The following MCU variants were observed in gnomAD, a reference collection of about 807,000 sequenced individuals.
The protein encoded by MCU is calcium uniporter protein, mitochondrial.
In MCU, 12 loss-of-function variants were observed where a neutral mutation model predicts 45.2. That is an observed-to-expected ratio of 0.27 (90% CI 0.17 to 0.43). The LOEUF (loss-of-function observed/expected upper bound fraction) is 0.43, where lower values mean the gene tolerates loss of function less well. MCU is among the 20% of genes least tolerant of loss of function. The probability of loss-of-function intolerance (pLI) is 1.00; values close to 1 mark genes in which losing one functional copy is unlikely to be tolerated. For synonymous variants in MCU, 160 were observed against 165.1 expected, an observed-to-expected ratio of 0.97 and a Z score of 0.24; for missense variants, 324 against 436.7, an observed-to-expected ratio of 0.74 and a Z score of 2.30.
chr10:72,810,578 C>T (rs1056442511), intron 1 of MCU, among the ~76,000 whole-genome samples: 5 of 150,490 alleles, frequency 3.3e-5, no homozygotes. Context: ...AGTGATTCTC[C>T]TGCCTCAGCC....
At chr10:72,692,978 G>A (rs1244399435) in intron 1 of MCU, 1 of 1,535,914 alleles carries the variant, frequency 6.5e-7, no homozygotes, top group Admixed American at 2.0e-5. Flanking sequence ...AGGTGCTTTT[G>A]GGGGTCCTTT....
chr10:72,727,129 ATC>A (rs1843112347), intron 1 of MCU, among the ~76,000 whole-genome samples: 1 of 152,128 alleles, frequency 6.6e-6, no homozygotes, highest in Admixed American at 6.6e-5. Flanking sequence ...AATTATAGGA[ATC>A]TCTTCCTCTT....
intron 6 of MCU, among the ~76,000 whole-genome samples, chr10:72,880,133 C>T (rs1180728801): frequency 6.6e-6 from 1 of 152,196 alleles, no homozygotes; most frequent in Admixed American, 6.5e-5. Context: ...TTCTAATATT[C>T]CTTCATTGTC....
chr10:72,767,356 A>G (rs1215786402), intron 1 of MCU, among the ~76,000 whole-genome samples: 1 of 152,200 alleles, frequency 6.6e-6, no homozygotes, highest in African/African-American at 2.4e-5. Flanking sequence ...CTCAGAGATT[A>G]CATAGGACTA....
chr10:72,715,936 C>T (rs1842950970), intron 1 of MCU: 2 of 971,062 alleles, frequency 2.1e-6, no homozygotes, highest in Non-Finnish European at 1.2e-6. Context: ...AGCATTTTCT[C>T]CCTGCAAGCA....
chr10:72,825,737 CTGTT>C (rs1432801773), intron 1 of MCU, among the ~76,000 whole-genome samples: 3 of 152,182 alleles, frequency 2.0e-5, no homozygotes, highest in African/African-American at 7.2e-5. Flanking sequence ...TATGGTTGAA[CTGTT>C]TCTCTAAACT....
At chr10:72,837,444 G>C (rs1021641954) in intron 2 of MCU, among the ~76,000 whole-genome samples, 2 of 152,106 alleles carry the variant, frequency 1.3e-5, no homozygotes, top group Non-Finnish European at 2.9e-5. Flanking sequence ...TTATATCCCA[G>C]TTCTACCACT....
intron 1 of MCU, among the ~76,000 whole-genome samples, chr10:72,799,418 C>T (rs1272079123): frequency 2.0e-5 from 3 of 152,084 alleles, no homozygotes; most frequent in African/African-American, 7.2e-5. Context: ...TGTTAAGTTC[C>T]AGCCTTCACA....
intron 1 of MCU, among the ~76,000 whole-genome samples, chr10:72,820,686 A>G (rs1265819462): frequency 6.6e-6 from 1 of 151,962 alleles, no homozygotes; most frequent in Non-Finnish European, 1.5e-5. Context: ...AATTTTTTGT[A>G]TTTTTAGTAG....
chr10:72,875,463 T>C (rs1402266971), intron 6 of MCU, among the ~76,000 whole-genome samples: 7 of 152,186 alleles, frequency 4.6e-5, no homozygotes. Context: ...AAGTGACAAG[T>C]TGCAAAATAG....
At chr10:72,813,450 CTTTTTTT>C (rs71021537) in intron 1 of MCU, among the ~76,000 whole-genome samples, 21 of 76,222 alleles carry the variant, frequency 2.8e-4, no homozygotes, top group African/African-American at 6.3e-4. Context: ...CCAGCTCTCT[CTTTTTTT>C]TTTTTTTTTT....
At chr10:72,701,058 CTT>C (rs1484042137) in intron 1 of MCU, among the ~76,000 whole-genome samples, 1 of 152,130 alleles carries the variant, frequency 6.6e-6, no homozygotes, top group African/African-American at 2.4e-5. Context: ...CTTTGTACCT[CTT>C]TTCTATGATA....
At chr10:72,851,606 G>A (rs1027779405) in intron 2 of MCU, among the ~76,000 whole-genome samples, 3 of 152,130 alleles carry the variant, frequency 2.0e-5, no homozygotes, top group Admixed American at 1.3e-4. Context: ...TCTTCTGGGT[G>A]GGGGCCACAG....
At chr10:72,809,955 T>C (rs750260895) in intron 1 of MCU, among the ~76,000 whole-genome samples, 2 of 151,922 alleles carry the variant, frequency 1.3e-5, no homozygotes, top group African/African-American at 2.4e-5. Context: ...GTATGAGAAA[T>C]GAGAAAATAT....
At chr10:72,729,952 C>CATTTTTT (rs1413419136) in intron 1 of MCU, among the ~76,000 whole-genome samples, 1 of 90,554 alleles carries the variant, frequency 1.1e-5, no homozygotes, top group African/African-American at 3.9e-5. Context: ...CTTCAGCATT[C>CATTTTTT]TTTTTTTTTT....
chr10:72,751,550 T>G (rs927991951), intron 1 of MCU, among the ~76,000 whole-genome samples: 1 of 151,538 alleles, frequency 6.6e-6, no homozygotes, highest in African/African-American at 2.4e-5. Flanking sequence ...GAGACGGGGT[T>G]TCACCATGTT....
At chr10:72,821,222 C>CTT (rs75872235) in intron 1 of MCU, among the ~76,000 whole-genome samples, 16 of 137,418 alleles carry the variant, frequency 1.2e-4, no homozygotes, top group African/African-American at 3.7e-4. Context: ...GTTTGTAAGA[C>CTT]TTTTTTTTTT....
intron 1 of MCU, among the ~76,000 whole-genome samples, chr10:72,806,491 C>A (rs1844453706): frequency 6.6e-6 from 1 of 152,060 alleles, no homozygotes; most frequent in Non-Finnish European, 1.5e-5. Context: ...ATGTGGAGGC[C>A]TTTGATTCAT....
chr10:72,698,200 A>G (rs1200069436), intron 1 of MCU, among the ~76,000 whole-genome samples: 1 of 152,184 alleles, frequency 6.6e-6, no homozygotes, highest in Non-Finnish European at 1.5e-5. Context: ...GCTTCATGTA[A>G]TTCTTTTCTT....
Sources: allele counts gnomAD v4.1 joint callset (sites outside exome capture counted in the v4.1 genomes callset), GRCh38; gene constraint gnomAD v4.1.1; transcripts MANE v1.5; gene names NCBI Gene and HGNC (gene_info 2026-07-23, HGNC 2026-07-21).